The following CSMD3 variants were observed in gnomAD, a reference collection of about 807,000 sequenced individuals.
CSMD3 encodes the protein CUB and Sushi multiple domains 3.
In CSMD3, 177 loss-of-function variants were observed where a neutral mutation model predicts 435.2. The observed-to-expected ratio is 0.41, with a 90% CI of 0.36 to 0.46. The LOEUF (loss-of-function observed/expected upper bound fraction) is 0.46, where lower values mean the gene tolerates loss of function less well. CSMD3 is among the 20% of genes least tolerant of loss of function. The pLI, the probability that CSMD3 is intolerant of heterozygous loss-of-function variation, is 0.34. For missense variants in CSMD3, 4,265 were observed against 4,504.6 expected, an observed-to-expected ratio of 0.95 and a Z score of 1.52; for synonymous variants, 1,656 against 1,520.5, an observed-to-expected ratio of 1.09 and a Z score of -2.07.
At chr8:112,732,914 TTA>T (rs1207658406) in intron 13 of CSMD3, among the ~76,000 whole-genome samples, 1 of 152,094 alleles carries the variant, frequency 6.6e-6, no homozygotes, top group African/African-American at 2.4e-5. Flanking sequence ...ACTACCAAAC[TTA>T]TATGTTACAA....
At chr8:113,391,921 G>A (rs1371242755) in intron 1 of CSMD3, among the ~76,000 whole-genome samples, 2 of 152,016 alleles carry the variant, frequency 1.3e-5, no homozygotes, top group African/African-American at 4.8e-5. Flanking sequence ...CTGCTAACAT[G>A]TAGTGTGCTT....
chr8:113,126,280 A>AG (rs2091124734), intron 4 of CSMD3, among the ~76,000 whole-genome samples: 1 of 152,000 alleles, frequency 6.6e-6, no homozygotes, highest in Admixed American at 6.6e-5. Flanking sequence ...AATGAGAGAA[A>AG]GAAAAAGAAG....
At chr8:112,942,386 T>C (rs907580175) in intron 9 of CSMD3, among the ~76,000 whole-genome samples, 1 of 151,676 alleles carries the variant, frequency 6.6e-6, no homozygotes, top group Non-Finnish European at 1.5e-5. Flanking sequence ...GAAAATAAAT[T>C]GTTCTACCAT....
At chr8:112,957,606 A>T (rs1043136988) in intron 7 of CSMD3, among the ~76,000 whole-genome samples, 2 of 151,786 alleles carry the variant, frequency 1.3e-5, no homozygotes, top group Non-Finnish European at 2.9e-5. Flanking sequence ...GGCGTGTGAC[A>T]CACGCGGCTA....
At chr8:112,284,850 A>T (rs1819017854) in intron 58 of CSMD3, among the ~76,000 whole-genome samples, 1 of 152,000 alleles carries the variant, frequency 6.6e-6, no homozygotes, top group African/African-American at 2.4e-5. Context: ...TATAACAATA[A>T]AAATCATCTT....
intron 49 of CSMD3, among the ~76,000 whole-genome samples, chr8:112,311,774 G>A (rs1586736490): frequency 1.3e-5 from 2 of 152,272 alleles, no homozygotes; most frequent in East Asian, 3.9e-4. Context: ...AACAGATACT[G>A]TCAAATAGCT....
intron 1 of CSMD3, among the ~76,000 whole-genome samples, chr8:113,404,906 A>C (rs2094525961): frequency 6.6e-6 from 1 of 151,510 alleles, no homozygotes; most frequent in Admixed American, 6.6e-5. Flanking sequence ...AATATAAATT[A>C]TGTATGTGTT....
At chr8:113,165,423 C>A (rs2131850754) in intron 4 of CSMD3, among the ~76,000 whole-genome samples, 1 of 152,170 alleles carries the variant, frequency 6.6e-6, no homozygotes, top group East Asian at 1.9e-4. Flanking sequence ...CTTTAAAATT[C>A]TTATTTGTCA....
intron 1 of CSMD3, among the ~76,000 whole-genome samples, chr8:113,399,132 G>C: frequency 7.5e-6 from 1 of 132,458 alleles, no homozygotes; most frequent in Non-Finnish European, 1.6e-5. Flanking sequence ...CACTATATAT[G>C]TGTGTGTATA....
In CSMD3 at chr8:112,780,354, T is replaced by C. The variant is rs543018587; in HGVS notation, c.1972+19808A>G. Among the ~76,000 whole-genome samples, 47 of 152,148 alleles carry C rather than the reference T, an allele frequency of 3.1e-4. No homozygotes were observed. In the Middle Eastern group the frequency reaches 0.02, roughly 66 times the overall value. ...ATTTCCTTATCTTAAAGGAAATGAA[T>C]ATATTCAATAAAATTATCTAATCAT... is the stretch of plus-strand genomic sequence containing the variant. On this transcript the variant is annotated intron_variant, in intron 13 of 70. Transcript: ENST00000297405.
intron 3 of CSMD3, among the ~76,000 whole-genome samples, chr8:113,264,407 T>C (rs1433169567): frequency 6.0e-5 from 9 of 151,032 alleles, no homozygotes; most frequent in African/African-American, 1.9e-4. Context: ...TATTTATATA[T>C]ATATATATAT....
At chr8:112,690,416 G>A (rs905032438) in intron 13 of CSMD3, among the ~76,000 whole-genome samples, 3 of 151,754 alleles carry the variant, frequency 2.0e-5, no homozygotes, top group African/African-American at 7.3e-5. Context: ...AAATCCCAAA[G>A]ACTTTTCTTA....
intron 27 of CSMD3, among the ~76,000 whole-genome samples, chr8:112,547,748 A>C (rs986497883): frequency 1.2e-4 from 18 of 152,180 alleles, no homozygotes; most frequent in African/African-American, 4.1e-4. Context: ...AGCAGAACTA[A>C]CACTAAAGAA....
chr8:113,283,733 C>A (rs923326011), intron 2 of CSMD3, among the ~76,000 whole-genome samples: 1 of 152,094 alleles, frequency 6.6e-6, no homozygotes, highest in Non-Finnish European at 1.5e-5. Flanking sequence ...CACTGGGTAC[C>A]TATCCAGAGG....
Position 112,237,953 on chromosome 8 carries a change from C to A in CSMD3, c.10469-605G>T, listed in dbSNP as rs577216406. Among the ~76,000 whole-genome samples the A allele has an allele frequency of 1.4e-3, 218 of 152,084 alleles. 2 individuals carry two copies. The highest frequency in any genetic ancestry group is 0.011 in the South Asian group (53 of 4,814). On this transcript the variant is annotated intron_variant, in intron 66 of 70. Coordinates refer to ENST00000297405, the MANE Select transcript of CSMD3 (RefSeq NM_198123.2). ...AAATTGTCACTAGTATTGTTGGACTCTCAAGGATGAGAGATGAATTGTGGT... is the reference window on the plus strand; with the variant it reads ...AAATTGTCACTAGTATTGTTGGACTATCAAGGATGAGAGATGAATTGTGGT...
At chr8:112,749,630 T>C (rs952288680) in intron 13 of CSMD3, among the ~76,000 whole-genome samples, 1 of 152,144 alleles carries the variant, frequency 6.6e-6, no homozygotes, top group Non-Finnish European at 1.5e-5. Context: ...GTACTAATTT[T>C]ATCCAATAAA....
chr8:112,816,307 T>A (rs1450002252), intron 12 of CSMD3, among the ~76,000 whole-genome samples: 1 of 152,096 alleles, frequency 6.6e-6, no homozygotes, highest in Non-Finnish European at 1.5e-5. Flanking sequence ...TTTGTAAGTA[T>A]GCATAGTGAA....
At chr8:113,164,741 C>T (rs1169352981) in intron 4 of CSMD3, among the ~76,000 whole-genome samples, 7 of 151,876 alleles carry the variant, frequency 4.6e-5, no homozygotes, top group Admixed American at 1.3e-4. Context: ...TAACTTCCTA[C>T]GTTAGTGAGT....
chr8:112,428,670 G>T (rs1813336204), intron 32 of CSMD3, among the ~76,000 whole-genome samples: 1 of 151,962 alleles, frequency 6.6e-6, no homozygotes, highest in South Asian at 2.1e-4. Flanking sequence ...TCTTTTCTTG[G>T]TGTTCCATTC....
Sources: gnomAD v4.1 joint callset for allele counts (sites outside exome capture counted in the v4.1 genomes callset) on GRCh38, gnomAD v4.1.1 for gene constraint, MANE v1.5 for transcripts, NCBI Gene and HGNC (gene_info 2026-07-23, HGNC 2026-07-21) for gene names.